The following SSBP3 variants were observed in gnomAD, a reference collection of about 807,000 sequenced individuals.
The protein encoded by SSBP3 is single-stranded DNA-binding protein 3.
In SSBP3, 5 loss-of-function variants were observed where a neutral mutation model predicts 69.6. That is an observed-to-expected ratio of 0.07 (90% CI 0.04 to 0.15). SSBP3 has a LOEUF of 0.15. Ranked by LOEUF, SSBP3 falls within the 10% of genes least tolerant of loss-of-function variation. The pLI is 1.00. For synonymous variants in SSBP3, 196 were observed against 193.4 expected, an observed-to-expected ratio of 1.01 and a Z score of -0.11; for missense variants, 312 against 534.0, an observed-to-expected ratio of 0.58 and a Z score of 4.10.
intron 9 of SSBP3, among the ~76,000 whole-genome samples, chr1:54,247,706 G>A (rs540376821): frequency 2.7e-3 from 416 of 152,220 alleles, no homozygotes; most frequent in Non-Finnish European, 3.8e-3. Flanking sequence ...ACAACAAGTC[G>A]GTGGCTCTCA....
intron 4 of SSBP3, among the ~76,000 whole-genome samples, chr1:54,328,637 G>T (rs4926629): frequency 6.6e-6 from 1 of 152,042 alleles, no homozygotes; most frequent in Non-Finnish European, 1.5e-5. Context: ...CTTGAAAAAC[G>T]CTGGGGTTCC....
intron 4 of SSBP3, among the ~76,000 whole-genome samples, chr1:54,330,549 A>G (rs1646391566): frequency 6.6e-6 from 1 of 152,192 alleles, no homozygotes; most frequent in Admixed American, 6.5e-5. Flanking sequence ...CGCTTTGTTC[A>G]CAGGAGTCCC....
intron 4 of SSBP3, among the ~76,000 whole-genome samples, chr1:54,308,774 AAAGAAG>A (rs201786293): frequency 4.6e-5 from 7 of 152,022 alleles, no homozygotes; most frequent in East Asian, 3.9e-4. Flanking sequence ...TCTCAAAAAA[AAAGAAG>A]AAGAAGAAGA....
At chr1:54,296,719 G>T (rs776527798) in intron 4 of SSBP3, among the ~76,000 whole-genome samples, 57 of 152,328 alleles carry the variant, frequency 3.7e-4, no homozygotes, top group South Asian at 2.1e-4. Context: ...TGCCTGGCAC[G>T]CATCCATCAG....
At chr1:54,285,099 A>T (rs1295435422) in intron 4 of SSBP3, among the ~76,000 whole-genome samples, 1 of 152,250 alleles carries the variant, frequency 6.6e-6, no homozygotes, top group Admixed American at 6.5e-5. Context: ...CTTCTCAAGC[A>T]GCAAAACTAA....
rs1646115121 is a variant in SSBP3, at chr1:54,316,676, ATAAAT to A, written c.277-35154_277-35150del. ...AAAAAAAAATAAAATAAATAAATAA[ATAAAT>A]AAATAAATAAATAAATAAATAAATA... On this transcript the variant is annotated intron_variant, in intron 4 of 17. Transcript: ENST00000610401. Among the ~76,000 whole-genome samples the A allele has an allele frequency of 1.8e-4, 21 of 117,866 alleles. 1 individual carries two copies. Among genetic ancestry groups the A allele is most frequent in the Non-Finnish European group, 2.5e-4 (15 of 59,322 alleles). 77.3% of individuals were successfully genotyped at this position (117,866 alleles called of 152,430 possible). A position where few individuals can be genotyped will look rare whatever the true frequency, so the allele number is the denominator to read the frequency against.
At chr1:54,256,008 G>A (rs112743776) in intron 7 of SSBP3, among the ~76,000 whole-genome samples, 190 of 152,164 alleles carry the variant, frequency 1.2e-3, no homozygotes, top group African/African-American at 4.4e-3. Flanking sequence ...GGAGGCGGAC[G>A]GAGGTTGCAG....
intron 4 of SSBP3, among the ~76,000 whole-genome samples, chr1:54,373,771 A>G (rs1195229204): frequency 2.0e-5 from 3 of 147,244 alleles, no homozygotes; most frequent in Non-Finnish European, 3.0e-5. Flanking sequence ...TGTTTCAAGA[A>G]AAAAAAAAAA....
At chr1:54,409,251 A>G (rs1169248323), upstream of SSBP3, among the ~76,000 whole-genome samples, 1 of 151,700 alleles carries the variant, frequency 6.6e-6, no homozygotes, top group Non-Finnish European at 1.5e-5. Context: ...CTCCAGTGCC[A>G]TCTCCTCCAC....
intron 3 of SSBP3, among the ~76,000 whole-genome samples, chr1:54,402,626 GACA>G (rs1366229011): frequency 3.3e-5 from 5 of 151,966 alleles, no homozygotes; most frequent in African/African-American, 4.8e-5. Flanking sequence ...ACAGGTCATG[GACA>G]ACCAAGTATC....
At chr1:54,264,424 T>C (rs1645067037) in intron 5 of SSBP3, among the ~76,000 whole-genome samples, 2 of 152,374 alleles carry the variant, frequency 1.3e-5, no homozygotes, top group South Asian at 4.1e-4. Context: ...ATGCCACCCA[T>C]ATTCCTCAAA....
chr1:54,282,072 A>AATAATAATAATAATAATT (rs1553130849), intron 4 of SSBP3, among the ~76,000 whole-genome samples: 3 of 150,222 alleles, frequency 2.0e-5, no homozygotes, highest in Admixed American at 2.0e-4. Context: ...TAATAATAAT[A>AATAATAATAATAATAATT]AAAAAATGGG....
exon 13 of SSBP3, chr1:54,240,939 A>G (rs1644625521): frequency 5.6e-6 from 9 of 1,610,548 alleles, no homozygotes; most frequent in Non-Finnish European, 7.6e-6. Context: ...TTCCTGGAGG[A>G]CCGCCACCAC....
intron 4 of SSBP3, among the ~76,000 whole-genome samples, chr1:54,350,532 G>A (rs931162223): frequency 1.3e-5 from 2 of 152,198 alleles, no homozygotes. Flanking sequence ...ATTTATACGC[G>A]TATGGCCTTC....
intron 11 of SSBP3, 103 bp downstream of exon 11, chr1:54,242,061 G>T: frequency 7.5e-7 from 1 of 1,337,000 alleles, no homozygotes; most frequent in Non-Finnish European, 1.1e-6. Flanking sequence ...GAGTCCTGCT[G>T]CATCTCCCAC....
intron 14 of SSBP3, among the ~76,000 whole-genome samples, chr1:54,234,911 A>G (rs969197266): frequency 2.0e-5 from 3 of 152,232 alleles, no homozygotes; most frequent in African/African-American, 4.8e-5. Flanking sequence ...ACAGGCATAC[A>G]CCACTGTACC....
In SSBP3 at chr1:54,271,453, A is replaced by T. The variant is rs536590050; in HGVS notation, c.366+9985T>A. Among the ~76,000 whole-genome samples the T allele has an allele frequency of 2.0e-5, 3 of 152,304 alleles. No individual in the cohort carries two copies. The East Asian group carries it at 5.8e-4, about 29-fold the overall frequency. On this transcript the variant is annotated intron_variant, in intron 5 of 17. Transcript: ENST00000610401. The stretch of plus-strand genomic sequence containing the variant: ...ATAGTCAATCCTCACCACAGCTCCA[A>T]AAAGGACACGGTAGGATTTGCTGCG...
At position 54,404,775 on chromosome 1, in the gene SSBP3, G is replaced by A. The variant is rs1649574419; in HGVS notation, c.129+83C>T. The A allele has an allele frequency of 2.5e-5, 25 of 1,018,626 alleles. 1 individual carries two copies. The South Asian group carries it at 2.9e-4, about 12-fold the overall frequency. 63.1% of individuals were successfully genotyped at this position (1,018,626 alleles called of 1,614,324 possible). On this transcript the variant is annotated intron_variant, in intron 2 of 17. Transcript: ENST00000610401. ...AAAAATTCAAAATGGTGGCCACAGTGGCTGCTCCTGAAAACAAAGGCTCTA... is the reference window on the plus strand; with the variant it reads ...AAAAATTCAAAATGGTGGCCACAGTAGCTGCTCCTGAAAACAAAGGCTCTA...
intron 12 of SSBP3, 52 bp from the exon 13 acceptor site, chr1:54,241,011 G>A (rs756816320): frequency 6.4e-7 from 1 of 1,561,364 alleles, no homozygotes; most frequent in Non-Finnish European, 8.7e-7. Flanking sequence ...AACGAACATG[G>A]GGAGGGGCCG....
Sources: gnomAD v4.1 joint callset for allele counts (sites outside exome capture counted in the v4.1 genomes callset) on GRCh38, gnomAD v4.1.1 for gene constraint, MANE v1.5 for transcripts, NCBI Gene and HGNC (gene_info 2026-07-23, HGNC 2026-07-21) for gene names.